The following PLXNA4 variants were observed in gnomAD, a reference collection of about 807,000 sequenced individuals.
PLXNA4 encodes the protein plexin-A4.
A neutral mutation model predicts 191.8 loss-of-function variants in PLXNA4; 44 were observed. The ratio of observed to expected loss-of-function variants is 0.23; its 90% CI spans 0.18 to 0.29. The LOEUF (loss-of-function observed/expected upper bound fraction) is 0.29. Among genes scored for constraint, PLXNA4 ranks in the 10% least tolerant of loss-of-function variants. PLXNA4 has a pLI of 1.00. For synonymous variants in PLXNA4, 1,082 were observed against 1,009.5 expected, an observed-to-expected ratio of 1.07 and a Z score of -1.36; for missense variants, 1,800 against 2,488.8, an observed-to-expected ratio of 0.72 and a Z score of 5.89.
At chr7:132,476,044 T>A (rs1000919841) in intron 3 of PLXNA4, among the ~76,000 whole-genome samples, 4 of 152,176 alleles carry the variant, frequency 2.6e-5, no homozygotes, top group Non-Finnish European at 5.9e-5. Context: ...TTCCTATGCT[T>A]GCATGTGTGG....
At chr7:132,358,778 C>G (rs980173630) in intron 3 of PLXNA4, among the ~76,000 whole-genome samples, 1 of 152,076 alleles carries the variant, frequency 6.6e-6, no homozygotes, top group Non-Finnish European at 1.5e-5. Flanking sequence ...CAGTTATGAG[C>G]GAGTATCACT....
chr7:132,468,073 T>C (rs1364832734), intron 3 of PLXNA4, among the ~76,000 whole-genome samples: 3 of 152,088 alleles, frequency 2.0e-5, no homozygotes, highest in Non-Finnish European at 4.4e-5. Flanking sequence ...TGTGACCGAG[T>C]TGGAATAAAC....
chr7:132,549,010 T>C (rs1378382524), intron 1 of PLXNA4, among the ~76,000 whole-genome samples: 2 of 152,172 alleles, frequency 1.3e-5, no homozygotes, highest in Admixed American at 6.5e-5. Context: ...TTTCCCTATA[T>C]GGTCTAAAAA....
chr7:132,561,502 C>A (rs1189665237), intron 1 of PLXNA4, among the ~76,000 whole-genome samples: 5 of 123,282 alleles, frequency 4.1e-5, no homozygotes, highest in African/African-American at 1.6e-4. Context: ...TCTCCTCCCC[C>A]ACCTCCTCCT....
chr7:132,225,205 A>G (rs967445272), intron 8 of PLXNA4, among the ~76,000 whole-genome samples: 5 of 152,260 alleles, frequency 3.3e-5, no homozygotes, highest in Non-Finnish European at 7.3e-5. Flanking sequence ...TTGATAAAGA[A>G]AAGATAATAT....
chr7:132,452,228 A>T (rs1002985876), intron 3 of PLXNA4, among the ~76,000 whole-genome samples: 2 of 152,238 alleles, frequency 1.3e-5, no homozygotes, highest in Non-Finnish European at 1.5e-5. Context: ...CCAGCAAGGC[A>T]TCCCAGCACC....
rs1441827904 is a variant in PLXNA4 at position 132,234,114 on chromosome 7, G to T, written c.1605-5645C>A. Among the ~76,000 whole-genome samples, 3 of 152,064 alleles carry T rather than the reference G, an allele frequency of 2.0e-5. No individual in the cohort carries two copies. The East Asian group carries it at 5.8e-4, about 29-fold the overall frequency. On this transcript the variant is annotated intron_variant, in intron 5 of 31. Transcript: ENST00000321063. ...GGAGAGGGAGGGAACGGCAGGAGAA[G>T]GGAAAAAGGAGGAGGAGACAGCAAA...
chr7:132,493,723 G>A (rs62467592), intron 2 of PLXNA4, among the ~76,000 whole-genome samples: 21 of 86,440 alleles, frequency 2.4e-4, no homozygotes, highest in Admixed American at 4.7e-4. Flanking sequence ...GGATGGATGG[G>A]TGGATGGGTG....
intron 2 of PLXNA4, among the ~76,000 whole-genome samples, chr7:132,589,330 T>C (rs1802563093): frequency 6.6e-6 from 1 of 152,202 alleles, no homozygotes; most frequent in African/African-American, 2.4e-5. Flanking sequence ...TAACACTATA[T>C]TAAATTATAA....
chr7:132,168,547 A>G lies in PLXNA4; in HGVS notation c.4043T>C (p.Val1348Ala), dbSNP rs762472086. 4 of 1,597,232 alleles carry G rather than the reference A, an allele frequency of 2.5e-6. No individual in the cohort carries two copies. Among genetic ancestry groups the G allele is most frequent in the African/African-American group, 2.7e-5 (2 of 74,856 alleles). Residue 1348 changes from valine to alanine, a missense_variant, in exon 22 of 32, where the codon GTG (valine) becomes GCG (alanine). Val to Ala is a moderately conservative substitution (Grantham distance 64). This residue lies in a region of PLXNA4 where 1,397 missense variants were observed against 1,880.4 expected (regional missense o/e 0.74). Coordinates refer to ENST00000321063, the MANE Select transcript of PLXNA4 (RefSeq NM_020911.2). Reference sequence around the variant, plus strand: ...GGCGAAGAGCTTCAGGCCTTTCTCCACACGCTCCTGCCGGTAGCCCGGGAC... The same window carrying G: ...GGCGAAGAGCTTCAGGCCTTTCTCCGCACGCTCCTGCCGGTAGCCCGGGAC... ...LEVPGYRQER[V>A]EKGLKLFAQL...
intron 3 of PLXNA4, among the ~76,000 whole-genome samples, chr7:132,368,859 A>T (rs73436726): frequency 0.082 from 12,527 of 152,262 alleles, 989 homozygotes; most frequent in African/African-American, 0.17. Flanking sequence ...ATTTCAGGCA[A>T]TGACCTTGGG....
chr7:132,497,379 C>T (rs1435055191), intron 2 of PLXNA4, among the ~76,000 whole-genome samples: 2 of 152,160 alleles, frequency 1.3e-5, no homozygotes, highest in Non-Finnish European at 2.9e-5. Flanking sequence ...TTCATAAATA[C>T]ACAAAATGCA....
chr7:132,137,426 G>T (rs761036894), intron 30 of PLXNA4, among the ~76,000 whole-genome samples: 1 of 152,338 alleles, frequency 6.6e-6, no homozygotes, highest in Admixed American at 6.5e-5. Flanking sequence ...CACTACTAAA[G>T]TATGCAAATG....
intron 3 of PLXNA4, among the ~76,000 whole-genome samples, chr7:132,442,528 T>C (rs1795734751): frequency 1.3e-5 from 2 of 152,248 alleles, no homozygotes; most frequent in Admixed American, 6.5e-5. Flanking sequence ...GTGTTCTTTC[T>C]AGATTCCAAT....
intron 3 of PLXNA4, among the ~76,000 whole-genome samples, chr7:132,387,461 G>A (rs1472883974): frequency 6.6e-6 from 1 of 152,186 alleles, no homozygotes; most frequent in Non-Finnish European, 1.5e-5. Flanking sequence ...AAATTGGCAG[G>A]GTCTGCAGGC....
At chr7:132,224,724 C>T (rs576085259) in intron 8 of PLXNA4, among the ~76,000 whole-genome samples, 8 of 152,226 alleles carry the variant, frequency 5.3e-5, no homozygotes, top group Middle Eastern at 3.4e-3. Flanking sequence ...ACAGCTTTGC[C>T]GCAAGAGGCA....
At chr7:132,333,375 G>A (rs1405340284) in intron 3 of PLXNA4, among the ~76,000 whole-genome samples, 3 of 152,232 alleles carry the variant, frequency 2.0e-5, no homozygotes, top group South Asian at 2.1e-4. Flanking sequence ...TGGAGCTCCC[G>A]TGCATCTTCA....
chr7:132,168,254 G>A, intron 22 of PLXNA4, 50 bp downstream of exon 22: 2 of 1,473,906 alleles, frequency 1.4e-6, no homozygotes, highest in Non-Finnish European at 1.8e-6. Context: ...GGCACGGTGA[G>A]CCAGGTGCAT....
chr7:132,417,223 T>A (rs1340728674), intron 3 of PLXNA4, among the ~76,000 whole-genome samples: 3 of 152,104 alleles, frequency 2.0e-5, no homozygotes, highest in African/African-American at 4.8e-5. Flanking sequence ...TGGGGGAGCC[T>A]CTGACAGCCA....
Sources: allele counts gnomAD v4.1 joint callset (sites outside exome capture counted in the v4.1 genomes callset), GRCh38; gene constraint gnomAD v4.1.1; regional missense constraint gnomAD v4.1.1; transcripts MANE v1.5; gene names NCBI Gene and HGNC (gene_info 2026-07-23, HGNC 2026-07-21).